RGS8: variants seen among roughly 807,000 people sequenced by gnomAD.
RGS8 encodes regulator of G-protein signaling 8.
RGS8 carries 8 observed loss-of-function variants against 21.7 expected under a neutral mutation model. That is an observed-to-expected ratio of 0.37 (90% confidence interval 0.22 to 0.66). RGS8 has a LOEUF of 0.66. RGS8 is among the 30% of genes least tolerant of loss of function. The pLI, the probability that RGS8 is intolerant of heterozygous loss-of-function variation, is 0.59. For synonymous variants in RGS8, 80 were observed against 83.6 expected (o/e 0.96, Z 0.24); for missense variants, 157 against 217.9 (o/e 0.72, Z 1.76).
the RGS8 span, among the ~76,000 whole-genome samples, chr1:182,701,845 C>T: frequency 6.6e-6 from 1 of 152,194 alleles, no homozygotes; most frequent in African/African-American, 2.4e-5. Context: ...TGCTCCCCAT[C>T]ACTAATCATC....
intron 5 of RGS8, among the ~76,000 whole-genome samples, chr1:182,652,148 C>T (rs1025919524): frequency 6.6e-6 from 1 of 152,164 alleles, no homozygotes; most frequent in Admixed American, 6.5e-5. Flanking sequence ...TGGTTTTAAA[C>T]CAGAAGAGAC....
At position 182,670,504 on chromosome 1, in the gene RGS8, C is replaced by A. The variant is rs757238859; in HGVS notation, c.-103-752G>T. 2.6e-5 allele frequency among the ~76,000 whole-genome samples: 4 copies of A among 152,262 alleles called. No individual in the cohort carries two copies. The East Asian group carries it at 7.7e-4, about 29-fold the overall frequency. On this transcript the variant is annotated intron_variant, in intron 2 of 6. Transcript: ENST00000483095. Reference sequence around the variant, plus strand: ...GGGTCCCATTCTCAGTGCTTCAAACCCTTTGTTCCCACAGAAGACCTCTGA... The same window carrying A: ...GGGTCCCATTCTCAGTGCTTCAAACACTTTGTTCCCACAGAAGACCTCTGA...
chr1:182,702,389 A>C, the RGS8 span, among the ~76,000 whole-genome samples: 1 of 152,196 alleles, frequency 6.6e-6, no homozygotes, highest in African/African-American at 2.4e-5. Flanking sequence ...TAGAGTAGGG[A>C]GGAAGTGAGG....
At chr1:182,696,582 C>A in the RGS8 span, among the ~76,000 whole-genome samples, 1 of 152,182 alleles carries the variant, frequency 6.6e-6, no homozygotes, top group African/African-American at 2.4e-5. Context: ...CTCCTGACCT[C>A]AAGTGATCTA....
At chr1:182,734,583 A>AT in the RGS8 span, 1 of 152,258 alleles carries the variant, frequency 6.6e-6, no homozygotes, top group African/African-American at 2.4e-5. Flanking sequence ...TTTTTCATGC[A>AT]TTTTTTATGT....
chr1:182,728,056 G>A, the RGS8 span, among the ~76,000 whole-genome samples: 3 of 152,074 alleles, frequency 2.0e-5, no homozygotes, highest in African/African-American at 7.2e-5. Context: ...AGCACAATAT[G>A]TTCATTTTAC....
chr1:182,736,575 T>C, the RGS8 span, among the ~76,000 whole-genome samples: 1 of 152,134 alleles, frequency 6.6e-6, no homozygotes, highest in Non-Finnish European at 1.5e-5. Context: ...CCCTGGGACA[T>C]AAAACCACAA....
chr1:182,700,097 C>A, the RGS8 span, among the ~76,000 whole-genome samples: 1 of 152,156 alleles, frequency 6.6e-6, no homozygotes, highest in Non-Finnish European at 1.5e-5. Flanking sequence ...CATAACAATG[C>A]GCCCCAGAGC....
chr1:182,682,784 T>C (rs1664579159), intron 1 of RGS8, among the ~76,000 whole-genome samples: 1 of 152,214 alleles, frequency 6.6e-6, no homozygotes, highest in Admixed American at 6.5e-5. Flanking sequence ...ATGGCTGAGA[T>C]CCACACTTGG....
chr1:182,688,065 T>C (rs983238588), upstream of RGS8, among the ~76,000 whole-genome samples: 5 of 152,248 alleles, frequency 3.3e-5, no homozygotes, highest in Admixed American at 2.6e-4. Context: ...AGAAACCTTC[T>C]GCCATTGTGC....
the RGS8 span, among the ~76,000 whole-genome samples, chr1:182,741,735 G>T: frequency 9.3e-6 from 1 of 107,638 alleles, no homozygotes. Flanking sequence ...CGGACAGGGC[G>T]GCTGGCTGGG....
chr1:182,697,151 ACT>A, the RGS8 span, among the ~76,000 whole-genome samples: 1 of 152,160 alleles, frequency 6.6e-6, no homozygotes, highest in Admixed American at 6.5e-5. Flanking sequence ...AGGCAGAGAA[ACT>A]CCACATCTTG....
the RGS8 span, among the ~76,000 whole-genome samples, chr1:182,736,111 C>G: frequency 6.6e-6 from 1 of 152,180 alleles, no homozygotes; most frequent in Non-Finnish European, 1.5e-5. Context: ...TATATCATCA[C>G]CAGGCAGTAA....
chr1:182,681,839 A>G (rs1038807596), intron 1 of RGS8, among the ~76,000 whole-genome samples: 2 of 152,180 alleles, frequency 1.3e-5, no homozygotes, highest in Admixed American at 6.5e-5. Context: ...GGAGGAATCA[A>G]CCTTAAGCCA....
chr1:182,722,330 C>G, the RGS8 span, among the ~76,000 whole-genome samples: 1 of 119,778 alleles, frequency 8.3e-6, no homozygotes, highest in African/African-American at 3.3e-5. Context: ...GATTGCACTG[C>G]ATGAGTTTCT....
the RGS8 span, among the ~76,000 whole-genome samples, chr1:182,713,273 T>C: frequency 2.0e-5 from 3 of 151,290 alleles, no homozygotes; most frequent in African/African-American, 7.3e-5. Context: ...AACCTCCAGC[T>C]CCCAGGTTCA....
At chr1:182,667,130 T>C (rs1488890763) in intron 3 of RGS8, among the ~76,000 whole-genome samples, 157 bp from the exon 5 acceptor site, 1 of 152,178 alleles carries the variant, frequency 6.6e-6, no homozygotes, top group African/African-American at 2.4e-5. Flanking sequence ...AGAGACCACC[T>C]AGAGAATCAA....
intron 5 of RGS8, among the ~76,000 whole-genome samples, chr1:182,664,158 T>A (rs578188469): frequency 6.6e-6 from 1 of 152,314 alleles, no homozygotes; most frequent in African/African-American, 2.4e-5. Flanking sequence ...ATCCTAAGCT[T>A]CCTATCACTA....
the RGS8 span, among the ~76,000 whole-genome samples, chr1:182,690,245 C>G: frequency 6.6e-6 from 1 of 152,188 alleles, no homozygotes; most frequent in Non-Finnish European, 1.5e-5. Context: ...AATTCATGCC[C>G]CCCTGACATC....
Sources: gnomAD v4.1 joint callset for allele counts (sites outside exome capture counted in the v4.1 genomes callset) on GRCh38, gnomAD v4.1.1 for gene constraint, MANE v1.5 for transcripts, NCBI Gene and HGNC (gene_info 2026-07-23, HGNC 2026-07-21) for gene names.